FOXP1: variants seen among roughly 807,000 people sequenced by gnomAD.
FOXP1 encodes the protein forkhead box P1.
FOXP1 carries 15 observed loss-of-function variants against 98.2 expected under a neutral mutation model. That is an observed-to-expected ratio of 0.15 (90% CI 0.10 to 0.24). The LOEUF (loss-of-function observed/expected upper bound fraction) is 0.24, where lower values mean the gene tolerates loss of function less well. Ranked by LOEUF, FOXP1 falls within the 10% of genes least tolerant of loss-of-function variation. The pLI is 1.00. For missense variants in FOXP1, 633 were observed against 848.5 expected, an observed-to-expected ratio of 0.75 and a Z score of 3.15; for synonymous variants, 371 against 314.5, an observed-to-expected ratio of 1.18 and a Z score of -1.90.
intron 2 of FOXP1, chr3:71,572,413 C>G (rs1005943398): frequency 6.6e-6 from 1 of 152,076 alleles, no homozygotes; most frequent in Non-Finnish European, 1.5e-5. Flanking sequence ...ATTTAAAGAA[C>G]TTGTCTTGAA....
At chr3:71,173,692 G>A (rs2061769636) in intron 6 of FOXP1, among the ~76,000 whole-genome samples, 1 of 152,138 alleles carries the variant, frequency 6.6e-6, no homozygotes, top group African/African-American at 2.4e-5. Context: ...GTTATCTCCT[G>A]CATGGCTGAT....
At chr3:70,969,460 A>C (rs937158115) in intron 19 of FOXP1, 6 of 152,176 alleles carry the variant, frequency 3.9e-5, no homozygotes, top group African/African-American at 1.4e-4. Context: ...GCCTATCATC[A>C]ATTCCCAGGA....
intron 5 of FOXP1, among the ~76,000 whole-genome samples, chr3:71,212,874 A>G (rs1194152654): frequency 2.0e-5 from 3 of 152,024 alleles, no homozygotes; most frequent in African/African-American, 7.3e-5. Context: ...AATGCTTCAT[A>G]GATTGTATCA....
chr3:71,395,387 C>G (rs946649235), intron 3 of FOXP1, among the ~76,000 whole-genome samples: 1 of 149,696 alleles, frequency 6.7e-6, no homozygotes, highest in East Asian at 2.0e-4. Context: ...TCAGACCCAC[C>G]CAGTTCATGA....
chr3:70,987,977 T>A lies in FOXP1; in HGVS notation c.1146+17A>T. On this transcript the variant is annotated intron_variant, in intron 14 of 20. Coordinates refer to ENST00000649528, the MANE Select transcript of FOXP1 (RefSeq NM_001349338.3). ...GTGAGTTTTGTTTTTTTCCCCTTGG[T>A]GGGGATCAATACTTACGGGCTGAGG... The A allele has an allele frequency of 1.2e-6, 2 of 1,611,086 alleles. No homozygotes were observed. The highest frequency in any genetic ancestry group is 1.7e-6 in the Non-Finnish European group (2 of 1,177,326).
At chr3:71,475,002 T>C (rs947866109) in intron 3 of FOXP1, among the ~76,000 whole-genome samples, 3 of 152,044 alleles carry the variant, frequency 2.0e-5, no homozygotes, top group Non-Finnish European at 2.9e-5. Context: ...ATCTCTGTTA[T>C]GCACACTGCC....
At position 70,957,324 on chromosome 3, in the gene FOXP1, G is replaced by A. The variant is rs1367093390; in HGVS notation, c.*1923C>T. ...ACTACTAGAAAAAAGTAACAACTTT[G>A]GTTCCATTATCTACTTGGTCTTCTA... On this transcript the variant is annotated 3_prime_UTR_variant, in exon 21 of 21. Coordinates refer to ENST00000649528, the MANE Select transcript of FOXP1 (RefSeq NM_001349338.3). 4.4e-6 allele frequency: 1 copy of A among 227,864 alleles called. No individual in the cohort carries two copies. The highest frequency in any genetic ancestry group is 2.2e-5 in the African/African-American group (1 of 44,986). The allele number at this position is 227,864 out of a possible 1,614,324, so 14.1% of individuals were successfully genotyped here.
intron 6 of FOXP1, among the ~76,000 whole-genome samples, chr3:71,141,695 T>C (rs2060079489): frequency 6.6e-6 from 1 of 152,150 alleles, no homozygotes; most frequent in South Asian, 2.1e-4. Context: ...TTTCTGATAC[T>C]ACAGTCTAGC....
rs533418613 is a variant in FOXP1 at position 71,208,604 on chromosome 3, C to T, written c.-11-10212G>A. 7.3e-5 allele frequency among the ~76,000 whole-genome samples: 11 copies of T among 149,826 alleles called. 1 individual carries two copies. Among genetic ancestry groups the T allele is most frequent in the African/African-American group, 4.9e-5 (2 of 40,496 alleles). The stretch of plus-strand genomic sequence containing the variant: ...TGCAGGATAAACTGCTGCTCACACC[C>T]GCAAACAAAGCAATATCTGTTTAAT... On this transcript the variant is annotated intron_variant, in intron 5 of 20. Transcript: ENST00000649528.
intron 5 of FOXP1, among the ~76,000 whole-genome samples, chr3:71,212,832 T>C (rs1028591967): frequency 6.6e-5 from 10 of 152,122 alleles, no homozygotes; most frequent in Non-Finnish European, 1.3e-4. Context: ...GAAATTGCTA[T>C]AATTTAAAGA....
At chr3:71,458,664 T>C (rs1419019762) in intron 3 of FOXP1, among the ~76,000 whole-genome samples, 1 of 152,208 alleles carries the variant, frequency 6.6e-6, no homozygotes, top group South Asian at 2.1e-4. Flanking sequence ...ATGAAAATAC[T>C]TTCCCCAGCA....
At chr3:71,278,677 A>C (rs2071182197) in intron 5 of FOXP1, among the ~76,000 whole-genome samples, 1 of 152,232 alleles carries the variant, frequency 6.6e-6, no homozygotes, top group Non-Finnish European at 1.5e-5. Flanking sequence ...GCTATGCAGG[A>C]GGCTGAAGCA....
chr3:70,992,817 G>C (rs963570195), intron 13 of FOXP1, among the ~76,000 whole-genome samples: 1 of 152,156 alleles, frequency 6.6e-6, no homozygotes, highest in African/African-American at 2.4e-5. Context: ...TTTCACAGAA[G>C]GACATGGAAG....
chr3:70,974,147 G>A (rs1372145803), intron 17 of FOXP1, among the ~76,000 whole-genome samples: 1 of 152,030 alleles, frequency 6.6e-6, no homozygotes, highest in Non-Finnish European at 1.5e-5. Context: ...AGATACCCAG[G>A]TGACTATGAA....
chr3:71,348,857 T>C (rs772697123), intron 4 of FOXP1, among the ~76,000 whole-genome samples: 12 of 152,140 alleles, frequency 7.9e-5, no homozygotes, highest in Non-Finnish European at 1.5e-4. Context: ...GAGATGAACA[T>C]GGAAGAAGCA....
chr3:71,056,279 T>G (rs1481230445), intron 7 of FOXP1, among the ~76,000 whole-genome samples: 2 of 152,188 alleles, frequency 1.3e-5, no homozygotes, highest in Admixed American at 1.3e-4. Flanking sequence ...AACAACATTG[T>G]CCCTTAACTG....
intron 6 of FOXP1, among the ~76,000 whole-genome samples, chr3:71,175,228 A>G (rs1295728212): frequency 6.6e-6 from 1 of 152,180 alleles, no homozygotes; most frequent in Non-Finnish European, 1.5e-5. Flanking sequence ...GGACTTTCAA[A>G]GTAGCTTGAG....
At chr3:71,575,381 A>C (rs1222803715) in intron 2 of FOXP1, among the ~76,000 whole-genome samples, 1 of 152,148 alleles carries the variant, frequency 6.6e-6, no homozygotes, top group Non-Finnish European at 1.5e-5. Flanking sequence ...GTTTGTTATA[A>C]ATGTACGTTA....
intron 7 of FOXP1, among the ~76,000 whole-genome samples, chr3:71,055,349 C>G (rs533464984): frequency 6.6e-6 from 1 of 152,210 alleles, no homozygotes; most frequent in South Asian, 2.1e-4. Flanking sequence ...TTAGAACATT[C>G]GAAAAATTTC....
Sources: allele counts gnomAD v4.1 joint callset (sites outside exome capture counted in the v4.1 genomes callset), GRCh38; gene constraint gnomAD v4.1.1; transcripts MANE v1.5; gene names NCBI Gene and HGNC (gene_info 2026-07-23, HGNC 2026-07-21).